Variants in SDCCAG8 observed in about 807,000 individuals in gnomAD.
SDCCAG8 encodes the protein SHH signaling and ciliogenesis regulator SDCCAG8, also known as serologically defined colon cancer antigen 8.
A neutral mutation model predicts 101.8 loss-of-function variants in SDCCAG8; 74 were observed. That is an observed-to-expected ratio of 0.73 (90% CI 0.60 to 0.88). The LOEUF (loss-of-function observed/expected upper bound fraction) is 0.88, where lower values mean the gene tolerates loss of function less well. SDCCAG8 is among the 40% of genes least tolerant of loss of function. The pLI, the probability that SDCCAG8 is intolerant of heterozygous loss-of-function variation, is 0.00. For missense variants in SDCCAG8, 787 were observed against 822.6 expected, an observed-to-expected ratio of 0.96 and a Z score of 0.53; for synonymous variants, 281 against 292.9, an observed-to-expected ratio of 0.96 and a Z score of 0.41.
chr1:243,344,588 ATTAC>A (rs1174111866), intron 12 of SDCCAG8, among the ~76,000 whole-genome samples: 1 of 152,226 alleles, frequency 6.6e-6, no homozygotes, highest in African/African-American at 2.4e-5. Flanking sequence ...ATGTGTATCT[ATTAC>A]TTACAAAAGT....
chr1:243,269,985 G>GT (rs1054229069), intron 1 of SDCCAG8, 120 bp from the exon 2 acceptor site: 2 of 1,387,904 alleles, frequency 1.4e-6, no homozygotes, highest in African/African-American at 1.4e-5. Flanking sequence ...AGAACTCTGC[G>GT]TTTTTTCCAT....
At position 243,415,049 on chromosome 1, in the gene SDCCAG8, C is replaced by G. The variant is rs2080473669; in HGVS notation, c.1617-653C>G. ...CTATCACAGTACGATGGGTTGTTGTCTGACTACAGAAGCTTTTCATCCTGC... is the reference window on the plus strand; with the variant it reads ...CTATCACAGTACGATGGGTTGTTGTGTGACTACAGAAGCTTTTCATCCTGC... On this transcript the variant is annotated intron_variant, in intron 13 of 17. Coordinates refer to ENST00000366541, the MANE Select transcript of SDCCAG8 (RefSeq NM_006642.5). 3.9e-5 allele frequency among the ~76,000 whole-genome samples: 6 copies of G among 152,250 alleles called. No individual in the cohort carries two copies. The South Asian group carries it at 1.2e-3, about 32-fold the overall frequency.
At chr1:243,266,917 T>C (rs1022887946) in intron 1 of SDCCAG8, among the ~76,000 whole-genome samples, 1 of 126,300 alleles carries the variant, frequency 7.9e-6, no homozygotes, top group Non-Finnish European at 1.6e-5. Flanking sequence ...CACTCCAGCC[T>C]GGGCAACAAG....
At chr1:243,322,621 G>T (rs1187639962) in intron 9 of SDCCAG8, among the ~76,000 whole-genome samples, 1 of 152,094 alleles carries the variant, frequency 6.6e-6, no homozygotes, top group African/African-American at 2.4e-5. Context: ...ATCTTGCGTA[G>T]ATCTCAACAC....
At chr1:243,442,907 A>C (rs2082639598) in intron 16 of SDCCAG8, among the ~76,000 whole-genome samples, 1 of 152,250 alleles carries the variant, frequency 6.6e-6, no homozygotes, top group Non-Finnish European at 1.5e-5. Context: ...AAAATAGTCC[A>C]TTAAAATTCA....
chr1:243,362,241 G>A (rs1302285085), intron 12 of SDCCAG8, among the ~76,000 whole-genome samples: 2 of 136,842 alleles, frequency 1.5e-5, no homozygotes, highest in Admixed American at 7.6e-5. Context: ...GAGATGGCCA[G>A]TTGACTGCCT....
At chr1:243,280,791 T>C (rs950748278) in intron 4 of SDCCAG8, among the ~76,000 whole-genome samples, 8 of 152,244 alleles carry the variant, frequency 5.3e-5, no homozygotes, top group Admixed American at 4.6e-4. Context: ...CAGCATACTT[T>C]CCTATTCTTT....
At chr1:243,468,762 T>C (rs1474938043) in intron 16 of SDCCAG8, among the ~76,000 whole-genome samples, 1 of 152,244 alleles carries the variant, frequency 6.6e-6, no homozygotes, top group Non-Finnish European at 1.5e-5. Flanking sequence ...AAGAGCTCAA[T>C]ACATATTGTT....
rs10927010 is a variant in SDCCAG8, at chr1:243,415,510, G to A, written c.1617-192G>A. On this transcript the variant is annotated intron_variant, in intron 13 of 17. Transcript: ENST00000366541. ...ACACTTTAGTCCATTTGGATTCATG[G>A]CACGTATTTAACACTGTATGGAAGG... Among the ~76,000 whole-genome samples, 17,270 of 152,152 alleles carry A rather than the reference G, an allele frequency of 0.11. 1,142 individuals are homozygous for A. The highest frequency in any genetic ancestry group is 0.14 in the Non-Finnish European group (9,659 of 67,974).
At chr1:243,453,803 T>C (rs2083540676) in intron 16 of SDCCAG8, among the ~76,000 whole-genome samples, 1 of 152,206 alleles carries the variant, frequency 6.6e-6, no homozygotes, top group Admixed American at 6.5e-5. Context: ...GGACTGAGTG[T>C]TTAAAGTTCA....
At position 243,423,967 on chromosome 1, in the gene SDCCAG8, C is replaced by A. The variant is rs56918874; in HGVS notation, c.1854-2460C>A. ...GATTTCACTGTTTGTTATACGGTGG[C>A]ATGCAGTAAATATTTGGTGGTAGTA... On this transcript the variant is annotated intron_variant, in intron 15 of 17. Transcript: ENST00000366541. 6.0e-3 allele frequency among the ~76,000 whole-genome samples: 911 copies of A among 152,094 alleles called. 10 individuals carry two copies. The highest frequency in any genetic ancestry group is 0.021 in the African/African-American group (871 of 41,530).
chr1:243,266,776 C>CAAAAAAAAAAAA lies in SDCCAG8; in HGVS notation c.68-3327_68-3316dup, dbSNP rs566670758. On this transcript the variant is annotated intron_variant, in intron 1 of 17. Coordinates refer to ENST00000366541, the MANE Select transcript of SDCCAG8 (RefSeq NM_006642.5). ...AAAGTATTTGTCTCTATTATAAATA[C>CAAAAAAAAAAAA]AAAAAAAAAAAAAGAAATTAGCTGG... is the stretch of plus-strand genomic sequence containing the variant. 1.4e-4 allele frequency among the ~76,000 whole-genome samples: 16 copies of CAAAAAAAAAAAA among 110,974 alleles called. 2 individuals carry two copies. Among genetic ancestry groups the CAAAAAAAAAAAA allele is most frequent in the South Asian group, 5.5e-4 (2 of 3,624 alleles). 72.8% of individuals were successfully genotyped at this position (110,974 alleles called of 152,430 possible). A position where few individuals can be genotyped will look rare whatever the true frequency, so the allele number is the denominator to read the frequency against.
intron 2 of SDCCAG8, 88 bp from the exon 3 acceptor site, chr1:243,270,879 TAATATATCAGC>T: frequency 1.2e-6 from 1 of 855,458 alleles, no homozygotes; most frequent in Non-Finnish European, 2.0e-6. Flanking sequence ...TCTTGATGCA[TAATATATCAGC>T]AATTTTTATT....
rs60044857 is a variant in SDCCAG8 at position 243,439,622 on chromosome 1, TCACACACACA to T, written c.1985+13099_1985+13108del. On this transcript the variant is annotated intron_variant, in intron 16 of 17. Transcript: ENST00000366541. Reference sequence around the variant, plus strand: ...CCTGGGCAACAAGAGTGAGACTCCATCACACACACACACACACACACACACACACACACAC... The same window carrying T: ...CCTGGGCAACAAGAGTGAGACTCCATCACACACACACACACACACACACAC... Among the ~76,000 whole-genome samples, 268 of 120,198 alleles carry T rather than the reference TCACACACACA, an allele frequency of 2.2e-3. 2 individuals are homozygous for T. Among genetic ancestry groups the T allele is most frequent in the South Asian group, 8.8e-3 (29 of 3,292 alleles). 78.9% of individuals were successfully genotyped at this position (120,198 alleles called of 152,430 possible).
chr1:243,302,072 A>C (rs1281279071), intron 6 of SDCCAG8, among the ~76,000 whole-genome samples: 1 of 152,022 alleles, frequency 6.6e-6, no homozygotes. Flanking sequence ...ACATGGAGAA[A>C]CCCTGTCCCT....
At chr1:243,305,678 T>G (rs1034040243) in intron 7 of SDCCAG8, 1 of 152,206 alleles carries the variant, frequency 6.6e-6, no homozygotes. Flanking sequence ...ATGAAGTAAT[T>G]TTAAATCAAA....
At chr1:243,497,586 T>C (rs930454471) in intron 17 of SDCCAG8, among the ~76,000 whole-genome samples, 2 of 152,218 alleles carry the variant, frequency 1.3e-5, no homozygotes, top group East Asian at 1.9e-4. Context: ...TAGTGATAAA[T>C]TGCTAGGTGG....
intron 16 of SDCCAG8, among the ~76,000 whole-genome samples, chr1:243,462,046 T>C (rs1659225260): frequency 6.6e-6 from 1 of 152,196 alleles, no homozygotes; most frequent in Admixed American, 6.5e-5. Context: ...TCTTATCCCA[T>C]TGGTTCTTTA....
At chr1:243,483,354 C>G (rs1664151772) in intron 16 of SDCCAG8, among the ~76,000 whole-genome samples, 1 of 152,176 alleles carries the variant, frequency 6.6e-6, no homozygotes, top group South Asian at 2.1e-4. Context: ...GCGGTGCCCT[C>G]TACGTGGGGG....
Sources: allele counts gnomAD v4.1 joint callset (sites outside exome capture counted in the v4.1 genomes callset), GRCh38; gene constraint gnomAD v4.1.1; transcripts MANE v1.5; gene names NCBI Gene and HGNC (gene_info 2026-07-23, HGNC 2026-07-21).